Variants in NDST3 observed in about 807,000 individuals in gnomAD.
NDST3 encodes the protein bifunctional heparan sulfate N-deacetylase/N-sulfotransferase 3.
In NDST3, 58 loss-of-function variants were observed where a neutral mutation model predicts 96.1. The observed-to-expected ratio is 0.60, with a 90% confidence interval of 0.49 to 0.75. The LOEUF is 0.75. Ranked by LOEUF, NDST3 falls within the 30% of genes least tolerant of loss-of-function variation. The probability of loss-of-function intolerance (pLI) is 0.00; values close to 1 mark genes in which losing one functional copy is unlikely to be tolerated. For missense variants in NDST3, 788 were observed against 1,034.2 expected (o/e 0.76, Z 3.27); for synonymous variants, 333 against 359.7 (o/e 0.93, Z 0.84).
intron 6 of NDST3, among the ~76,000 whole-genome samples, chr4:118,166,225 T>C (rs1735541717): frequency 6.6e-6 from 1 of 151,732 alleles, no homozygotes. Context: ...GAGAAGACAT[T>C]ACAACTGATC....
At position 118,084,604 on chromosome 4, in the gene NDST3, C is replaced by A. The variant is rs185186171; in HGVS notation, c.982-20414C>A. Among the ~76,000 whole-genome samples, 35 of 152,168 alleles carry A rather than the reference C, an allele frequency of 2.3e-4. 1 individual carries two copies. The highest frequency in any genetic ancestry group is 5.9e-5 in the Non-Finnish European group (4 of 68,008). On this transcript the variant is annotated intron_variant, in intron 2 of 13. Coordinates refer to ENST00000296499, the MANE Select transcript of NDST3 (RefSeq NM_004784.3). The stretch of plus-strand genomic sequence containing the variant: ...TGTCATATGTTGGTTTTACAAGGGA[C>A]ATTACATTAAACAGAAAATATGAAG...
rs187337746 is a variant in NDST3 at position 118,196,352 on chromosome 4, G to A, written c.1540-28139G>A. Among the ~76,000 whole-genome samples the A allele has an allele frequency of 5.9e-5, 9 of 152,162 alleles. No homozygotes were observed. In the East Asian group the frequency reaches 9.7e-4, roughly 16 times the overall value. Reference sequence around the variant, plus strand: ...CTGGTTTTGGTATCAGAGTAATACTGGCTTCATAGTATGTGCTGGGAAGTA... The same window carrying A: ...CTGGTTTTGGTATCAGAGTAATACTAGCTTCATAGTATGTGCTGGGAAGTA... On this transcript the variant is annotated intron_variant, in intron 6 of 13. Coordinates refer to ENST00000296499, the MANE Select transcript of NDST3 (RefSeq NM_004784.3).
In NDST3 at chr4:118,247,471, G is replaced by T. The variant is rs149126136; in HGVS notation, c.2399+5322G>T. On this transcript the variant is annotated intron_variant, in intron 12 of 13. Transcript: ENST00000296499. ...AGAGGCTGAGGCAGGAGAATTGCTT[G>T]AACCCAGGAGGTGGAGGTTGCAGTG... 1.9e-4 allele frequency among the ~76,000 whole-genome samples: 29 copies of T among 152,216 alleles called. 1 individual carries two copies. The highest frequency in any genetic ancestry group is 6.0e-4 in the African/African-American group (25 of 41,542).
chr4:118,148,747 G>A lies in NDST3; in HGVS notation c.1539+5063G>A, dbSNP rs575474739. Among the ~76,000 whole-genome samples the A allele has an allele frequency of 6.6e-5, 10 of 152,230 alleles. No homozygotes were observed. The East Asian group carries it at 1.9e-3, about 29-fold the overall frequency. On this transcript the variant is annotated intron_variant, in intron 6 of 13. Coordinates refer to ENST00000296499, the MANE Select transcript of NDST3 (RefSeq NM_004784.3). ...GCTTTTCTCTAAAATTCATCTGAAA[G>A]GAAATAATACATTGACCTAATGGGA...
intron 1 of NDST3, among the ~76,000 whole-genome samples, chr4:118,049,758 A>T (rs970449855): frequency 6.6e-6 from 1 of 151,642 alleles, no homozygotes; most frequent in Non-Finnish European, 1.5e-5. Flanking sequence ...TACCCACCAA[A>T]AAAAGCACTG....
intron 2 of NDST3, among the ~76,000 whole-genome samples, chr4:118,088,636 A>C (rs1728622724): frequency 6.6e-6 from 1 of 152,040 alleles, no homozygotes; most frequent in African/African-American, 2.4e-5. Flanking sequence ...AAACAAAGAA[A>C]CCGCAATTTA....
At chr4:118,226,533 T>C (rs1205707982) in intron 7 of NDST3, among the ~76,000 whole-genome samples, 1 of 152,154 alleles carries the variant, frequency 6.6e-6, no homozygotes, top group Non-Finnish European at 1.5e-5. Context: ...TATTGAATAC[T>C]GAGTGTATCA....
intron 6 of NDST3, among the ~76,000 whole-genome samples, chr4:118,179,227 G>GA (rs1736451451): frequency 6.6e-6 from 1 of 151,404 alleles, no homozygotes; most frequent in African/African-American, 2.4e-5. Context: ...ATAGTCCAGG[G>GA]AAAAAAAGGC....
chr4:118,143,747 C>A (rs1578719460), intron 6 of NDST3, 63 bp downstream of exon 6: 1 of 1,519,640 alleles, frequency 6.6e-7, no homozygotes, highest in East Asian at 2.4e-5. Context: ...ATTACCCTGG[C>A]AAAGAGGCTA....
intron 1 of NDST3, among the ~76,000 whole-genome samples, chr4:118,045,088 C>G (rs149846893): frequency 6.6e-5 from 10 of 152,254 alleles, no homozygotes; most frequent in Admixed American, 5.9e-4. Context: ...CTGGGTTACC[C>G]ATACATAGTC....
chr4:118,182,098 G>A (rs1736643106), intron 6 of NDST3, among the ~76,000 whole-genome samples: 1 of 152,122 alleles, frequency 6.6e-6, no homozygotes, highest in African/African-American at 2.4e-5. Context: ...TAGTAGGTAT[G>A]CTAGCTACAC....
At chr4:118,168,772 T>C (rs116589763) in intron 6 of NDST3, among the ~76,000 whole-genome samples, 4 of 152,228 alleles carry the variant, frequency 2.6e-5, no homozygotes, top group Non-Finnish European at 4.4e-5. Flanking sequence ...ATTCATACAA[T>C]AAAACGTTAT....
At chr4:118,089,844 T>C (rs1456471908) in intron 2 of NDST3, among the ~76,000 whole-genome samples, 2 of 151,894 alleles carry the variant, frequency 1.3e-5, no homozygotes, top group Non-Finnish European at 2.9e-5. Flanking sequence ...AAGTAAGACA[T>C]AAACTTTGAG....
Position 118,206,472 on chromosome 4 carries a change from C to T in NDST3, c.1540-18019C>T, listed in dbSNP as rs1738450253. On this transcript the variant is annotated intron_variant, in intron 6 of 13. Coordinates refer to ENST00000296499, the MANE Select transcript of NDST3 (RefSeq NM_004784.3). ...TTCAGGCCTAAAGCACAGCATAGAACAAGGAATGATTCAATTTATCTGGAA... is the reference window on the plus strand; with the variant it reads ...TTCAGGCCTAAAGCACAGCATAGAATAAGGAATGATTCAATTTATCTGGAA... Among the ~76,000 whole-genome samples, 5 of 144,146 alleles carry T rather than the reference C, an allele frequency of 3.5e-5. 1 individual carries two copies. The highest frequency in any genetic ancestry group is 3.4e-4 in the Admixed American group (5 of 14,580). 94.6% of individuals were successfully genotyped at this position (144,146 alleles called of 152,430 possible). A position where few individuals can be genotyped will look rare whatever the true frequency, so the allele number is the denominator to read the frequency against.
At position 118,054,142 on chromosome 4, in the gene NDST3, C is replaced by T. The variant is rs1725259758; in HGVS notation, c.232C>T (p.Pro78Ser). The change falls in exon 2 of 14, where the codon CCC (proline) becomes TCC (serine). Residue 78 changes from proline to serine, a missense_variant. This residue lies in a region of NDST3 where 234 missense variants were observed against 256.9 expected (regional missense o/e 0.91). Transcript: ENST00000296499. Reference protein sequence around the residue: ...MKLFDASRTDPTVLVFVESQY... With the variant: ...MKLFDASRTDSTVLVFVESQY... ...GCTTTTTGATGCCTCAAGGACAGAC[C>T]CCACAGTCCTAGTATTTGTAGAGAG... The T allele has an allele frequency of 2.5e-6, 4 of 1,612,590 alleles. No homozygotes were observed. Among genetic ancestry groups the T allele is most frequent in the Middle Eastern group, 1.6e-4 (1 of 6,078 alleles).
chr4:118,185,456 C>T (rs1051636635), intron 6 of NDST3, among the ~76,000 whole-genome samples: 5 of 149,536 alleles, frequency 3.3e-5, no homozygotes, highest in Admixed American at 1.3e-4. Flanking sequence ...GTATATTATA[C>T]ATTTATTATA....
At chr4:118,107,257 T>C (rs1368298480) in intron 3 of NDST3, among the ~76,000 whole-genome samples, 1 of 152,168 alleles carries the variant, frequency 6.6e-6, no homozygotes, top group Non-Finnish European at 1.5e-5. Flanking sequence ...TGAAAAGAAA[T>C]CACTCTAAAT....
At chr4:118,058,150 G>GA (rs1448056645) in intron 2 of NDST3, among the ~76,000 whole-genome samples, 1 of 151,726 alleles carries the variant, frequency 6.6e-6, no homozygotes, top group Non-Finnish European at 1.5e-5. Context: ...AAGAATGTGA[G>GA]AAAATCAAAA....
intron 6 of NDST3, among the ~76,000 whole-genome samples, chr4:118,208,080 A>C (rs1485786158): frequency 1.4e-5 from 2 of 144,766 alleles, no homozygotes; most frequent in African/African-American, 5.1e-5. Flanking sequence ...TTTACTACAT[A>C]ACAGTATTAA....
Sources: gnomAD v4.1 joint callset for allele counts (sites outside exome capture counted in the v4.1 genomes callset) on GRCh38, gnomAD v4.1.1 for gene constraint, gnomAD v4.1.1 regional missense constraint, MANE v1.5 for transcripts, NCBI Gene and HGNC (gene_info 2026-07-23, HGNC 2026-07-21) for gene names.